The following ZNF841 variants were observed in gnomAD, a reference collection of about 807,000 sequenced individuals.
ZNF841 encodes zinc finger protein 841.
Under a neutral mutation model 13.0 loss-of-function variants are expected in ZNF841, and 11 were observed. The ratio of observed to expected loss-of-function variants is 0.85; its 90% CI spans 0.53 to 1.40. ZNF841 has a LOEUF of 1.40. Among genes scored for constraint, ZNF841 ranks in the 40% most tolerant of loss-of-function variants. The pLI, the probability that ZNF841 is intolerant of heterozygous loss-of-function variation, is 0.00. For missense variants in ZNF841, 1,068 were observed against 1,139.5 expected, an observed-to-expected ratio of 0.94 and a Z score of 0.90; for synonymous variants, 369 against 381.6, an observed-to-expected ratio of 0.97 and a Z score of 0.38.
At chr19:52,059,536 A>G (rs1014134284), downstream of ZNF841, among the ~76,000 whole-genome samples, 5 of 152,006 alleles carry the variant, frequency 3.3e-5, no homozygotes, top group Admixed American at 1.3e-4. Context: ...TGGAAGCAAA[A>G]GCTCTGTTAC....
At chr19:52,070,395 C>T (rs1600083460) in intron 6 of ZNF841, among the ~76,000 whole-genome samples, 1 of 152,124 alleles carries the variant, frequency 6.6e-6, no homozygotes, top group African/African-American at 2.4e-5. Flanking sequence ...CTGAGCTTTA[C>T]ACAGCCGTCC....
At chr19:52,068,668 CAAAAAAA>C (rs1244178282) in intron 6 of ZNF841, among the ~76,000 whole-genome samples, 1 of 90,200 alleles carries the variant, frequency 1.1e-5, no homozygotes, top group African/African-American at 3.8e-5. Flanking sequence ...AGAGCAGTCT[CAAAAAAA>C]AAAAAAAAAA....
rs552814063 is a variant in ZNF841 at position 52,093,344 on chromosome 19, A to G, written c.-144+502T>C. On this transcript the variant is annotated intron_variant, in intron 2 of 6. Transcript: ENST00000594440. The stretch of plus-strand genomic sequence containing the variant: ...AACATGGATGAACCTGGAAGACATT[A>G]TGCTAGGTGAAATAAGACAGACACT... Among the ~76,000 whole-genome samples the G allele has an allele frequency of 9.8e-5, 15 of 152,346 alleles. No individual in the cohort carries two copies. In the South Asian group the frequency reaches 3.1e-3, roughly 32 times the overall value.
At chr19:52,076,816 C>G (rs2087916098) in intron 5 of ZNF841, 142 bp downstream of exon 5, 2 of 981,488 alleles carry the variant, frequency 2.0e-6, no homozygotes, top group East Asian at 5.9e-5. Flanking sequence ...AGGCCAGATG[C>G]AGCATTATGA....
chr19:52,084,583 G>A (rs2088207775), intron 4 of ZNF841, among the ~76,000 whole-genome samples: 1 of 152,138 alleles, frequency 6.6e-6, no homozygotes, highest in Non-Finnish European at 1.5e-5. Context: ...CATGCCCAGT[G>A]GAGCCTCTTC....
rs2087926836 is a variant in ZNF841, at chr19:52,077,085, C to T, written c.16-1G>A. The stretch of plus-strand genomic sequence containing the variant: ...CCACATCCCTGAATGTCAAAGATCC[C>T]TGAAATGAAAAACACATTTCAATAT... On this transcript the variant is annotated splice_acceptor_variant, in intron 4 of 6. Transcript: ENST00000594440. LOFTEE classifies it high-confidence loss of function. The T allele has an allele frequency of 6.2e-7, 1 of 1,606,226 alleles. No homozygotes were observed. The highest frequency in any genetic ancestry group is 1.3e-5 in the African/African-American group (1 of 74,622).
intron 6 of ZNF841, among the ~76,000 whole-genome samples, chr19:52,068,879 C>T (rs1274632420): frequency 1.3e-5 from 2 of 151,104 alleles, no homozygotes; most frequent in Non-Finnish European, 2.9e-5. Flanking sequence ...GGCTGAAGCA[C>T]GAGAATCACA....
chr19:52,092,114 C>A (rs1195159873), intron 2 of ZNF841, among the ~76,000 whole-genome samples: 3 of 151,298 alleles, frequency 2.0e-5, no homozygotes, highest in African/African-American at 7.3e-5. Context: ...CACACTCTAG[C>A]CTGGGCAACA....
chr19:52,061,686 ACAGG>A (rs1818491913), downstream of ZNF841, among the ~76,000 whole-genome samples: 1 of 152,186 alleles, frequency 6.6e-6, no homozygotes, highest in African/African-American at 2.4e-5. Flanking sequence ...GGCTGGGATT[ACAGG>A]CACACACCAC....
rs1258973114 is a variant in ZNF841 at position 52,066,798 on chromosome 19, C to T, written c.1084G>A (p.Val362Ile). The change falls in exon 7 of 7, where the codon GTT (valine) becomes ATT (isoleucine). Residue 362 changes from valine (V) to isoleucine (I), a missense_variant. Transcript: ENST00000594440. ...KSFSKSSHLA[V>I]HQRIHTGEKP... is the part of the protein sequence containing the mutation. Reference sequence around the variant, plus strand: ...TCTCCAGTATGAATTCTCTGATGAACTGCAAGGTGGGAACTTTTACTAAAG... The same window carrying T: ...TCTCCAGTATGAATTCTCTGATGAATTGCAAGGTGGGAACTTTTACTAAAG... 1.9e-6 allele frequency: 3 copies of T among 1,614,080 alleles called. No homozygotes were observed. Among genetic ancestry groups the T allele is most frequent in the South Asian group, 2.2e-5 (2 of 91,070 alleles).
chr19:52,073,678 TAA>T (rs1435271902), intron 6 of ZNF841, among the ~76,000 whole-genome samples: 1 of 152,202 alleles, frequency 6.6e-6, no homozygotes, highest in African/African-American at 2.4e-5. Context: ...ATAGGTTTTA[TAA>T]ATAGTAGAGA....
Position 52,067,442 on chromosome 19 carries a change from T to A in ZNF841, c.440A>T (p.Asp147Val), listed in dbSNP as rs1450521258. The A allele has an allele frequency of 1.3e-6, 2 of 1,550,838 alleles. No individual in the cohort carries two copies. The highest frequency in any genetic ancestry group is 1.7e-6 in the Non-Finnish European group (2 of 1,146,984). The change falls in exon 7 of 7, where the codon GAT (aspartate) becomes GTT (valine). Residue 147 changes from aspartate (D) to valine (V), a missense_variant. By Grantham distance (152) the Asp-to-Val change is radical. Coordinates refer to ENST00000594440, the MANE Select transcript of ZNF841 (RefSeq NM_001136499.2). ...NLQEVDFQWKDGEINYKEGPM... is the reference protein window; with the variant it reads ...NLQEVDFQWKVGEINYKEGPM... ...CCCTTCTTTATAATTTATTTCACCATCTTTCCATTGAAAGTCAACTTCCTG... is the reference window on the plus strand; with the variant it reads ...CCCTTCTTTATAATTTATTTCACCAACTTTCCATTGAAAGTCAACTTCCTG...
intron 4 of ZNF841, among the ~76,000 whole-genome samples, chr19:52,078,195 C>G (rs1476496228): frequency 6.6e-6 from 1 of 151,918 alleles, no homozygotes; most frequent in Non-Finnish European, 1.5e-5. Context: ...GAGGCTGACA[C>G]AGAATTACTT....
intron 6 of ZNF841, among the ~76,000 whole-genome samples, chr19:52,070,482 A>C (rs556698978): frequency 4.2e-4 from 64 of 152,326 alleles, no homozygotes; most frequent in Middle Eastern, 3.4e-3. Context: ...GTAGGCTTGC[A>C]AGACTGCATT....
chr19:52,061,969 C>T (rs544939855), downstream of ZNF841, among the ~76,000 whole-genome samples: 7 of 152,236 alleles, frequency 4.6e-5, no homozygotes, highest in Middle Eastern at 3.4e-3. Context: ...CTACTAAGTC[C>T]CCCAAACACT....
At chr19:52,075,125 T>A (rs2087858463) in intron 6 of ZNF841, among the ~76,000 whole-genome samples, 2 of 152,118 alleles carry the variant, frequency 1.3e-5, no homozygotes, top group Non-Finnish European at 2.9e-5. Context: ...AACCCCAAGA[T>A]GGGTTATCAC....
Position 52,065,007 on chromosome 19 carries a change from C to T in ZNF841, c.*100G>A, listed in dbSNP as rs2087493973. ...AAAGCCACCCCCATCATCCAATCAC[C>T]TCCCACTAGGCTCCACCTCCAATAC... On this transcript the variant is annotated 3_prime_UTR_variant, in exon 7 of 7. Transcript: ENST00000594440. 1 of 1,090,170 alleles carries T rather than the reference C, an allele frequency of 9.2e-7. No individual in the cohort carries two copies. Among genetic ancestry groups the T allele is most frequent in the South Asian group, 2.0e-5 (1 of 50,222 alleles). 67.5% of individuals were successfully genotyped at this position (1,090,170 alleles called of 1,614,324 possible).
chr19:52,091,082 C>T (rs973867888), intron 2 of ZNF841, among the ~76,000 whole-genome samples: 1 of 152,112 alleles, frequency 6.6e-6, no homozygotes, highest in African/African-American at 2.4e-5. Flanking sequence ...AGCCCCTGAC[C>T]CCTTCTTCCA....
rs758211741 is a variant in ZNF841 at position 52,066,177 on chromosome 19, G to C, written c.1705C>G (p.Leu569Val). The change falls in exon 7 of 7, where the codon CTC (leucine) becomes GTC (valine). Residue 569 changes from leucine (L) to valine (V), a missense_variant. Coordinates refer to ENST00000594440, the MANE Select transcript of ZNF841 (RefSeq NM_001136499.2). ...HMRCHTGEKP[L>V]HCNKCGMVFT... ...ACCATGCCACATTTATTACAATGGA[G>C]AGGTTTCTCTCCAGTATGACATCTC... 1 of 1,611,388 alleles carries C rather than the reference G, an allele frequency of 6.2e-7. No individual in the cohort carries two copies. The highest frequency in any genetic ancestry group is 1.7e-5 in the Admixed American group (1 of 59,818).
Sources: allele counts gnomAD v4.1 joint callset (sites outside exome capture counted in the v4.1 genomes callset), GRCh38; gene constraint gnomAD v4.1.1; transcripts MANE v1.5; gene names NCBI Gene and HGNC (gene_info 2026-07-23, HGNC 2026-07-21).